The following TENM3 variants were observed in gnomAD, a reference collection of about 807,000 sequenced individuals.
TENM3 encodes teneurin-3.
A neutral mutation model predicts 255.1 loss-of-function variants in TENM3; 63 were observed. The ratio of observed to expected loss-of-function variants is 0.25; its 90% CI spans 0.20 to 0.30. The LOEUF is 0.30. Ranked by LOEUF, TENM3 falls within the 10% of genes least tolerant of loss-of-function variation. The pLI, the probability that TENM3 is intolerant of heterozygous loss-of-function variation, is 1.00. For missense variants in TENM3, 2,929 were observed against 3,461.1 expected, an observed-to-expected ratio of 0.85 and a Z score of 3.86; for synonymous variants, 1,306 against 1,322.3, an observed-to-expected ratio of 0.99 and a Z score of 0.27.
At chr4:182,757,370 G>GTTTCAGTT (rs927592296) in intron 22 of TENM3, among the ~76,000 whole-genome samples, 4 of 150,030 alleles carry the variant, frequency 2.7e-5, no homozygotes, top group African/African-American at 9.8e-5. Context: ...CATTGGTAGG[G>GTTTCAGTT]TTTCAGTTTA....
At chr4:181,920,767 G>A in the TENM3 span, among the ~76,000 whole-genome samples, 7 of 151,822 alleles carry the variant, frequency 4.6e-5, no homozygotes, top group Admixed American at 1.3e-4. Flanking sequence ...TTTGTCTTTT[G>A]TTGCCATTGC....
chr4:182,425,884 T>G (rs1180211407), intron 3 of TENM3, among the ~76,000 whole-genome samples: 2 of 151,836 alleles, frequency 1.3e-5, no homozygotes, highest in Non-Finnish European at 2.9e-5. Context: ...GGCACACACC[T>G]GTAATCCCAG....
the TENM3 span, among the ~76,000 whole-genome samples, chr4:181,993,645 A>T: frequency 1.3e-5 from 2 of 152,276 alleles, no homozygotes; most frequent in East Asian, 3.9e-4. Context: ...ATACAAAATA[A>T]AAAATGCTTT....
At chr4:182,610,638 G>A (rs1476441975) in intron 4 of TENM3, among the ~76,000 whole-genome samples, 4 of 152,122 alleles carry the variant, frequency 2.6e-5, no homozygotes, top group East Asian at 1.9e-4. Flanking sequence ...AGCTATGATC[G>A]CACCACTGTC....
intron 1 of TENM3, among the ~76,000 whole-genome samples, chr4:182,285,261 ATGTT>A (rs1760661778): frequency 6.6e-6 from 1 of 151,900 alleles, no homozygotes; most frequent in Non-Finnish European, 1.5e-5. Flanking sequence ...TTGTTTGTAA[ATGTT>A]TGGGCAGTTT....
intron 1 of TENM3, among the ~76,000 whole-genome samples, chr4:182,255,664 G>A (rs1758342223): frequency 6.6e-6 from 1 of 152,140 alleles, no homozygotes; most frequent in South Asian, 2.1e-4. Flanking sequence ...ATGACCAACA[G>A]CAGCCAGAGA....
intron 6 of TENM3, among the ~76,000 whole-genome samples, chr4:182,659,898 T>G (rs938356048): frequency 1.3e-5 from 2 of 151,688 alleles, no homozygotes; most frequent in Non-Finnish European, 2.9e-5. Context: ...AGACAAGGAG[T>G]GTAGAGTTAC....
At chr4:182,646,937 AT>A (rs1376805651) in intron 5 of TENM3, among the ~76,000 whole-genome samples, 3 of 152,176 alleles carry the variant, frequency 2.0e-5, no homozygotes, top group Admixed American at 2.0e-4. Context: ...TTAAGCAAAA[AT>A]TTGAAAGATA....
chr4:181,556,495 T>C, the TENM3 span, among the ~76,000 whole-genome samples: 7 of 152,216 alleles, frequency 4.6e-5, no homozygotes, highest in Non-Finnish European at 1.0e-4. Context: ...AGTAACTAGA[T>C]ATTAAGAATC....
At chr4:182,043,993 C>A in the TENM3 span, among the ~76,000 whole-genome samples, 1 of 152,150 alleles carries the variant, frequency 6.6e-6, no homozygotes, top group Non-Finnish European at 1.5e-5. Flanking sequence ...TTCTCTAGGA[C>A]AAGCAGTTCG....
Position 182,161,509 on chromosome 4 carries a change from C to T in TENM3, c.-76+16755C>T, listed in dbSNP as rs547085355. The stretch of plus-strand genomic sequence containing the variant: ...TGCTGAGGCACAAGAATTGCTTGAA[C>T]CTGGGAGGTGGAGGTTGCAATGAGC... On this transcript the variant is annotated intron_variant, in intron 1 of 2. Coordinates refer to the TENM3 transcript ENST00000512480. Among the ~76,000 whole-genome samples, 294 of 144,706 alleles carry T rather than the reference C, an allele frequency of 2.0e-3. 1 individual carries two copies. Among genetic ancestry groups the T allele is most frequent in the Non-Finnish European group, 3.7e-3 (246 of 66,880 alleles). 94.9% of individuals were successfully genotyped at this position (144,706 alleles called of 152,430 possible). A position where few individuals can be genotyped will look rare whatever the true frequency, so the allele number is the denominator to read the frequency against.
At chr4:182,492,540 A>G (rs1178425800) in intron 3 of TENM3, among the ~76,000 whole-genome samples, 1 of 152,124 alleles carries the variant, frequency 6.6e-6, no homozygotes. Flanking sequence ...TCCTGGTTCT[A>G]TCTTAAGAAT....
At chr4:182,264,182 G>C (rs1311344058) in intron 1 of TENM3, among the ~76,000 whole-genome samples, 2 of 152,228 alleles carry the variant, frequency 1.3e-5, no homozygotes, top group Non-Finnish European at 2.9e-5. Context: ...TCTAAGGCTA[G>C]TCTTAAGCTG....
intron 1 of TENM3, among the ~76,000 whole-genome samples, chr4:182,210,618 G>GTTT (rs58035061): frequency 7.6e-6 from 1 of 132,286 alleles, no homozygotes; most frequent in Admixed American, 7.6e-5. Context: ...CCCCTCTCTA[G>GTTT]TTTTTTTTTT....
At chr4:182,351,333 A>T (rs774826091) in intron 3 of TENM3, among the ~76,000 whole-genome samples, 3 of 152,238 alleles carry the variant, frequency 2.0e-5, no homozygotes, top group Admixed American at 6.5e-5. Flanking sequence ...TTGCGTATGC[A>T]TCGCTTCCCA....
chr4:182,581,779 T>G (rs1745518308), intron 3 of TENM3, among the ~76,000 whole-genome samples: 1 of 152,038 alleles, frequency 6.6e-6, no homozygotes, highest in Admixed American at 6.6e-5. Flanking sequence ...AGGAAAAATA[T>G]CTTAATGCAA....
In TENM3 at chr4:182,477,586, A is replaced by G. The variant is rs12331047; in HGVS notation, c.512-123338A>G. ...CAGTGACTTTCCTGTCAGGTTTATA[A>G]TGTCTTTTCGTTCTTTATTTCTTGA... On this transcript the variant is annotated intron_variant, in intron 3 of 27. Transcript: ENST00000511685. Among the ~76,000 whole-genome samples, 841 of 152,200 alleles carry G rather than the reference A, an allele frequency of 5.5e-3. 5 individuals carry two copies. The highest frequency in any genetic ancestry group is 0.019 in the African/African-American group (796 of 41,544).
rs147377837 is a variant in TENM3, at chr4:182,749,783, T to C, written c.3630-2017T>C. ...AGAAGAAAAAAAAGTATGTGTGTTA[T>C]GTATACACATGAGTGTATGCATACC... On this transcript the variant is annotated intron_variant, in intron 19 of 27. Transcript: ENST00000511685. Among the ~76,000 whole-genome samples, 607 of 152,342 alleles carry C rather than the reference T, an allele frequency of 4.0e-3. 6 individuals are homozygous for C. Among genetic ancestry groups the C allele is most frequent in the Middle Eastern group, 0.014 (4 of 294 alleles).
the TENM3 span, among the ~76,000 whole-genome samples, chr4:181,783,937 G>A: frequency 2.6e-4 from 40 of 152,266 alleles, no homozygotes; most frequent in Middle Eastern, 6.8e-3. Context: ...CTGGCTTCAA[G>A]CAGTCCTCCA....
Sources: allele counts gnomAD v4.1 joint callset (sites outside exome capture counted in the v4.1 genomes callset), GRCh38; gene constraint gnomAD v4.1.1; transcripts MANE v1.5; gene names NCBI Gene and HGNC (gene_info 2026-07-23, HGNC 2026-07-21).